The following CUX1 variants were observed in gnomAD, a reference collection of about 807,000 sequenced individuals.
CUX1 encodes protein CASP.
Under a neutral mutation model 158.8 loss-of-function variants are expected in CUX1, and 31 were observed. That is an observed-to-expected ratio of 0.20 (90% CI 0.15 to 0.26). The LOEUF is 0.26. Ranked by LOEUF, CUX1 falls within the 10% of genes least tolerant of loss-of-function variation. The pLI is 1.00. For missense variants in CUX1, 1,589 were observed against 2,014.6 expected, an observed-to-expected ratio of 0.79 and a Z score of 4.04; for synonymous variants, 879 against 862.1, an observed-to-expected ratio of 1.02 and a Z score of -0.34.
rs535146850 is a variant in CUX1, at chr7:101,930,201, T to A, written c.141+13976T>A. On this transcript the variant is annotated intron_variant, in intron 2 of 23. Coordinates refer to ENST00000292535, the MANE Select transcript of CUX1 (RefSeq NM_181552.4). ...AATTCCTCTTCTATTAGATTTTTTTTAAAATTGCTTTTGAGTATTTCTTTG... is the reference window on the plus strand; with the variant it reads ...AATTCCTCTTCTATTAGATTTTTTTAAAAATTGCTTTTGAGTATTTCTTTG... Among the ~76,000 whole-genome samples the A allele has an allele frequency of 8.5e-5, 13 of 152,260 alleles. No homozygotes were observed. In the East Asian group the frequency reaches 9.6e-4, roughly 11 times the overall value.
rs1794523176 is a variant in CUX1 at position 102,193,853 on chromosome 7, C to G, written c.1088C>G (p.Ser363Cys). 1 of 1,613,808 alleles carries G rather than the reference C, an allele frequency of 6.2e-7. No homozygotes were observed. Among genetic ancestry groups the G allele is most frequent in the Non-Finnish European group, 8.5e-7 (1 of 1,179,960 alleles). Residue 363 changes from serine (S) to cysteine (C), a missense_variant, in exon 13 of 24, where the codon TCC becomes TGC. Around this residue, in one of 8 missense-constraint regions of CUX1, gnomAD observed 515 missense variants for 574.4 expected, o/e 0.90. Transcript: ENST00000292535. ...EVKKELNILK[S>C]MEFAPSEGAG... ...TTGTGCTCTTGCAGCATTCTGAAGT[C>G]CATGGAGTTTGCACCGTCCGAGGGC...
intron 9 of CUX1, among the ~76,000 whole-genome samples, chr7:102,168,909 TTTTA>T (rs1791368619): frequency 3.4e-5 from 4 of 116,080 alleles, no homozygotes; most frequent in African/African-American, 9.1e-5. Context: ...TTTTCTTTTC[TTTTA>T]TTTTCTTTTC....
At chr7:101,987,856 G>A (rs1388752142) in intron 2 of CUX1, among the ~76,000 whole-genome samples, 1 of 152,214 alleles carries the variant, frequency 6.6e-6, no homozygotes, top group Admixed American at 6.5e-5. Flanking sequence ...CTAGAAGAAA[G>A]TCTAAACGAA....
rs777168151 is a variant in CUX1, at chr7:101,958,029, A to G, written c.141+41804A>G. ...CTGGTACCCATCTCATGGAGCTGCT[A>G]AAGTGATTAAATGAGACAAAAGTAT... On this transcript the variant is annotated intron_variant, in intron 2 of 23. Coordinates refer to ENST00000292535, the MANE Select transcript of CUX1 (RefSeq NM_181552.4). Among the ~76,000 whole-genome samples, 208 of 152,178 alleles carry G rather than the reference A, an allele frequency of 1.4e-3. 1 individual carries two copies. The highest frequency in any genetic ancestry group is 1.2e-3 in the Non-Finnish European group (79 of 68,032).
intron 13 of CUX1, 142 bp downstream of exon 13, chr7:102,194,032 C>CCAAGT: frequency 1.2e-6 from 1 of 825,580 alleles, no homozygotes; most frequent in Non-Finnish European, 2.0e-6. Flanking sequence ...GAACATTTAA[C>CCAAGT]CAAGTTGAAG....
At chr7:102,039,791 C>T (rs1821858660) in intron 3 of CUX1, among the ~76,000 whole-genome samples, 1 of 152,066 alleles carries the variant, frequency 6.6e-6, no homozygotes, top group African/African-American at 2.4e-5. Flanking sequence ...GTCTCGTGTA[C>T]ATCCATAACT....
intron 8 of CUX1, among the ~76,000 whole-genome samples, chr7:102,143,958 T>C (rs1364834507): frequency 6.6e-6 from 1 of 151,630 alleles, no homozygotes; most frequent in Non-Finnish European, 1.5e-5. Flanking sequence ...AATTTTGTAT[T>C]TTTAGTAGAG....
intron 8 of CUX1, among the ~76,000 whole-genome samples, chr7:102,131,270 T>G (rs1554497088): frequency 6.6e-6 from 1 of 152,170 alleles, no homozygotes. Flanking sequence ...TGGCTAATTC[T>G]TTTTTTATGC....
intron 3 of CUX1, among the ~76,000 whole-genome samples, chr7:102,044,277 C>T (rs1039456083): frequency 5.9e-5 from 9 of 152,114 alleles, no homozygotes; most frequent in African/African-American, 2.2e-4. Flanking sequence ...GCAACCTCCA[C>T]CTCCTAGGTT....
At chr7:102,139,193 C>T (rs1834190690) in intron 8 of CUX1, among the ~76,000 whole-genome samples, 1 of 145,356 alleles carries the variant, frequency 6.9e-6, no homozygotes, top group East Asian at 2.0e-4. Context: ...TGCAGTGAGC[C>T]GAGATCGTGC....
At chr7:102,143,215 TG>T (rs542255222) in intron 8 of CUX1, among the ~76,000 whole-genome samples, 258 of 152,288 alleles carry the variant, frequency 1.7e-3, no homozygotes, top group African/African-American at 5.9e-3. Flanking sequence ...AGATGGTACT[TG>T]GGGGGTTCCC....
chr7:102,075,906 T>C (rs1276391121), intron 4 of CUX1, among the ~76,000 whole-genome samples: 2 of 152,172 alleles, frequency 1.3e-5, no homozygotes, highest in East Asian at 3.9e-4. Context: ...GGGCCGGCCC[T>C]TGGTGTCTGG....
chr7:102,144,114 A>G (rs1286571307), intron 8 of CUX1, among the ~76,000 whole-genome samples: 1 of 152,060 alleles, frequency 6.6e-6, no homozygotes, highest in Non-Finnish European at 1.5e-5. Context: ...ATTCTTTTCC[A>G]CAGCTGCAGC....
Position 102,054,864 on chromosome 7 carries a change from C to T in CUX1, c.190-15475C>T, listed in dbSNP as rs1052027405. Among the ~76,000 whole-genome samples, 10 of 151,838 alleles carry T rather than the reference C, an allele frequency of 6.6e-5. No individual in the cohort carries two copies. The East Asian group carries it at 9.6e-4, about 15-fold the overall frequency. On this transcript the variant is annotated intron_variant, in intron 3 of 23. Transcript: ENST00000292535. ...CGCGTTCCTGTAGTCTCAGTTACTCCGGAGGCTGTGGCAGGAGGATCACTT... is the reference window on the plus strand; with the variant it reads ...CGCGTTCCTGTAGTCTCAGTTACTCTGGAGGCTGTGGCAGGAGGATCACTT...
chr7:102,206,014 C>T (rs1482208489), intron 20 of CUX1, among the ~76,000 whole-genome samples: 1 of 152,170 alleles, frequency 6.6e-6, no homozygotes, highest in Non-Finnish European at 1.5e-5. Context: ...CATGTTGATT[C>T]GTCTCCATAT....
chr7:102,014,392 T>C (rs972936440), intron 2 of CUX1, among the ~76,000 whole-genome samples: 7 of 152,186 alleles, frequency 4.6e-5, no homozygotes, highest in African/African-American at 1.7e-4. Context: ...GGCATAGAGA[T>C]CAATACAAAT....
At chr7:102,111,896 C>T (rs1479460174) in intron 7 of CUX1, 122 bp downstream of exon 7, 7 of 767,142 alleles carry the variant, frequency 9.1e-6, no homozygotes, top group Non-Finnish European at 1.5e-5. Flanking sequence ...TGGGAGCTGC[C>T]GGGAGCCCAC....
chr7:101,857,982 A>T (rs551930290), intron 1 of CUX1, among the ~76,000 whole-genome samples: 17 of 152,244 alleles, frequency 1.1e-4, no homozygotes, highest in Admixed American at 9.2e-4. Context: ...AATTAGCCGA[A>T]TGTGGTGGCA....
chr7:101,932,303 G>A (rs1349110021), intron 2 of CUX1: 3 of 197,432 alleles, frequency 1.5e-5, no homozygotes, highest in South Asian at 8.5e-5. Context: ...TGGGGCCGGC[G>A]TCAGCCTATT....
Sources: allele counts gnomAD v4.1 joint callset (sites outside exome capture counted in the v4.1 genomes callset), GRCh38; gene constraint gnomAD v4.1.1; regional missense constraint gnomAD v4.1.1; transcripts MANE v1.5; gene names NCBI Gene and HGNC (gene_info 2026-07-23, HGNC 2026-07-21).